TMPRSS11D: variants seen among roughly 807,000 people sequenced by gnomAD.
TMPRSS11D encodes the protein transmembrane protease serine 11D.
A neutral mutation model predicts 44.4 loss-of-function variants in TMPRSS11D; 32 were observed. That is an observed-to-expected ratio of 0.72 (90% confidence interval 0.54 to 0.97). The LOEUF is 0.97. TMPRSS11D is among the 50% of genes least tolerant of loss of function. TMPRSS11D has a pLI of 0.00. For synonymous variants in TMPRSS11D, 179 were observed against 177.9 expected, an observed-to-expected ratio of 1.01 and a Z score of -0.05; for missense variants, 446 against 502.6, an observed-to-expected ratio of 0.89 and a Z score of 1.08.
At chr4:67,883,440 A>T (rs760224514) in intron 1 of TMPRSS11D, among the ~76,000 whole-genome samples, 6 of 152,100 alleles carry the variant, frequency 3.9e-5, no homozygotes, top group Admixed American at 6.6e-5. Flanking sequence ...AAATAATTCT[A>T]CAACTATATA....
chr4:67,854,526 T>C (rs1006843925), intron 2 of TMPRSS11D, among the ~76,000 whole-genome samples: 14 of 152,178 alleles, frequency 9.2e-5, no homozygotes, highest in African/African-American at 3.1e-4. Context: ...GTTTGTAATA[T>C]ACTATTATTT....
At chr4:67,857,410 A>G (rs562125680) in intron 2 of TMPRSS11D, among the ~76,000 whole-genome samples, 1 of 151,486 alleles carries the variant, frequency 6.6e-6, no homozygotes, top group Middle Eastern at 3.4e-3. Flanking sequence ...AGCAACATGG[A>G]TGGAATTGGA....
At chr4:67,841,519 G>A (rs543774307) in intron 4 of TMPRSS11D, among the ~76,000 whole-genome samples, 110 of 152,180 alleles carry the variant, frequency 7.2e-4, no homozygotes, top group Middle Eastern at 3.4e-3. Flanking sequence ...TTGTTGAATC[G>A]GCAAGAGCAG....
chr4:67,879,486 AAAAG>A (rs1273788739), intron 1 of TMPRSS11D, among the ~76,000 whole-genome samples: 35 of 151,310 alleles, frequency 2.3e-4, no homozygotes, highest in Non-Finnish European at 5.9e-5. Flanking sequence ...AAAAAAAAAA[AAAAG>A]AAAAGCACTT....
chr4:67,825,931 C>A, intron 8 of TMPRSS11D, 57 bp from the exon 9 acceptor site: 1 of 1,460,242 alleles, frequency 6.8e-7, no homozygotes, highest in Non-Finnish European at 9.2e-7. Flanking sequence ...ATTATTGACC[C>A]TATAATAAAT....
At chr4:67,841,882 T>C (rs1162964738) in intron 4 of TMPRSS11D, among the ~76,000 whole-genome samples, 1 of 152,146 alleles carries the variant, frequency 6.6e-6, no homozygotes, top group Non-Finnish European at 1.5e-5. Context: ...GAGAAAGAAT[T>C]AGTATAATTC....
rs1717826097 is a variant in TMPRSS11D, at chr4:67,827,395, A to G, written c.818T>C (p.Ile273Thr). Residue 273 changes from isoleucine (I) to threonine (T), a missense_variant, in exon 8 of 10, where the codon ATT becomes ACT. By Grantham distance (89) the Ile-to-Thr change is moderately conservative. Transcript: ENST00000283916. ...ACTGTTCTCAAGTCTCACAAGTGCAATGTCATTTTCATGAGTTGCAGATTT... is the reference window on the plus strand; with the variant it reads ...ACTGTTCTCAAGTCTCACAAGTGCAGTGTCATTTTCATGAGTTGCAGATTT... ...NYKSATHEND[I>T]ALVRLENSVT... is the part of the protein sequence containing the mutation. The G allele has an allele frequency of 6.2e-7, 1 of 1,613,358 alleles. No individual in the cohort carries two copies. Among genetic ancestry groups the G allele is most frequent in the African/African-American group, 1.3e-5 (1 of 74,984 alleles).
intron 1 of TMPRSS11D, among the ~76,000 whole-genome samples, chr4:67,871,569 C>T (rs1719063692): frequency 6.6e-6 from 1 of 152,174 alleles, no homozygotes; most frequent in Non-Finnish European, 1.5e-5. Context: ...TAATAGATGT[C>T]TGAAGACTAC....
intron 7 of TMPRSS11D, 86 bp from the exon 8 acceptor site, chr4:67,827,606 C>A: frequency 7.2e-7 from 1 of 1,389,164 alleles, no homozygotes; most frequent in Non-Finnish European, 9.6e-7. Flanking sequence ...TCCTGTACCA[C>A]TATCTAGAAA....
At chr4:67,838,009 T>C (rs1290487511) in intron 5 of TMPRSS11D, 163 bp downstream of exon 5, 1 of 494,134 alleles carries the variant, frequency 2.0e-6, no homozygotes, top group African/African-American at 2.0e-5. Flanking sequence ...CTTAGAATGA[T>C]TTACGTTAGG....
chr4:67,834,320 C>T (rs923574250), intron 6 of TMPRSS11D, among the ~76,000 whole-genome samples: 8 of 152,116 alleles, frequency 5.3e-5, no homozygotes, highest in African/African-American at 1.9e-4. Flanking sequence ...TTAAGAGATA[C>T]ATGTGTTCCT....
chr4:67,866,856 T>A (rs1279990169), intron 1 of TMPRSS11D, among the ~76,000 whole-genome samples: 1 of 151,908 alleles, frequency 6.6e-6, no homozygotes, highest in Non-Finnish European at 1.5e-5. Context: ...TGGAAAACCA[T>A]CCCATGCTCA....
chr4:67,871,906 G>C (rs1719069402), intron 1 of TMPRSS11D, among the ~76,000 whole-genome samples: 2 of 152,152 alleles, frequency 1.3e-5, no homozygotes, highest in South Asian at 4.2e-4. Flanking sequence ...GGAATCACCA[G>C]ATTTGCAAAG....
chr4:67,869,478 T>C (rs1382758160), intron 1 of TMPRSS11D, among the ~76,000 whole-genome samples: 2 of 152,118 alleles, frequency 1.3e-5, no homozygotes, highest in Non-Finnish European at 1.5e-5. Context: ...ATATTACAAG[T>C]ATATAATTTA....
intron 3 of TMPRSS11D, among the ~76,000 whole-genome samples, chr4:67,852,684 A>G (rs2109682547): frequency 6.6e-6 from 1 of 152,334 alleles, no homozygotes; most frequent in African/African-American, 2.4e-5. Context: ...GAACAGTTGA[A>G]TCAGAATGAT....
At chr4:67,839,247 G>T (rs992786210) in intron 4 of TMPRSS11D, among the ~76,000 whole-genome samples, 1 of 152,048 alleles carries the variant, frequency 6.6e-6, no homozygotes. Context: ...AATTAGCTGG[G>T]ACTAAGATTC....
At position 67,879,471 on chromosome 4, in the gene TMPRSS11D, CAAAAA is replaced by C. The variant is rs58768044; in HGVS notation, c.8+4450_8+4454del. ...TGGGCGACAGAGCGAGACTCCTTCT[CAAAAA>C]AAAAAAAAAAAAAGAAAAGCACTTA... is the stretch of plus-strand genomic sequence containing the variant. On this transcript the variant is annotated intron_variant, in intron 1 of 9. Coordinates refer to ENST00000283916, the MANE Select transcript of TMPRSS11D (RefSeq NM_004262.3). 1.1e-3 allele frequency among the ~76,000 whole-genome samples: 115 copies of C among 108,794 alleles called. 2 individuals are homozygous for C. The East Asian group carries it at 0.023, about 22-fold the overall frequency. 71.4% of individuals were successfully genotyped at this position (108,794 alleles called of 152,430 possible).
chr4:67,827,516 A>C lies in TMPRSS11D; in HGVS notation c.697T>G (p.Ser233Ala). The change falls in exon 8 of 10, where the codon TCT becomes GCT. Residue 233 changes from serine (S) to alanine (A), a missense_variant. Physicochemically the swap from Ser to Ala is moderately conservative, Grantham distance 99. Transcript: ENST00000283916. ...GTGGCAATCCAGTCACGAGGATTAGAGTTGCTAAAACATTATGAAAACATG... is the reference window on the plus strand; with the variant it reads ...GTGGCAATCCAGTCACGAGGATTAGCGTTGCTAAAACATTATGAAAACATG... ...LTAAHCFRSNSNPRDWIATSG... is the reference protein window; with the variant it reads ...LTAAHCFRSNANPRDWIATSG... 6.3e-7 allele frequency: 1 copy of C among 1,592,964 alleles called. No homozygotes were observed. Among genetic ancestry groups the C allele is most frequent in the South Asian group, 1.2e-5 (1 of 86,812 alleles).
intron 3 of TMPRSS11D, among the ~76,000 whole-genome samples, chr4:67,849,184 C>T (rs1325874990): frequency 6.6e-6 from 1 of 152,076 alleles, no homozygotes; most frequent in Non-Finnish European, 1.5e-5. Flanking sequence ...ATTTGGATAA[C>T]TGAATAAATG....
Sources: gnomAD v4.1 joint callset for allele counts (sites outside exome capture counted in the v4.1 genomes callset) on GRCh38, gnomAD v4.1.1 for gene constraint, MANE v1.5 for transcripts, NCBI Gene and HGNC (gene_info 2026-07-23, HGNC 2026-07-21) for gene names.